MYL11: variants seen among roughly 807,000 people sequenced by gnomAD.
MYL11 encodes the protein myosin light chain 11.
At chr16:30,377,959 T>TC in the MYL11 span, 11 of 1,503,804 alleles carry the variant, frequency 7.3e-6, no homozygotes, top group African/African-American at 1.5e-4. Context: ...CCACCCCGGC[T>TC]CCCAATAAAA....
chr16:30,375,217 G>A, the MYL11 span, among the ~76,000 whole-genome samples: 1 of 152,160 alleles, frequency 6.6e-6, no homozygotes, highest in Non-Finnish European at 1.5e-5. Context: ...TGTAATCCCA[G>A]CACTTTGGGA....
the MYL11 span, chr16:30,375,924 G>A: frequency 1.2e-6 from 2 of 1,613,252 alleles, no homozygotes; most frequent in South Asian, 1.1e-5. Flanking sequence ...TGGGTGAGGG[G>A]ACGGGGAAAC....
At chr16:30,377,747 G>A in the MYL11 span, 181 of 1,594,566 alleles carry the variant, frequency 1.1e-4, 2 homozygotes, top group East Asian at 3.4e-3. Context: ...AGGGGCTGGG[G>A]CCGGGGAGAC....
chr16:30,374,394 G>C, the MYL11 span, among the ~76,000 whole-genome samples: 1 of 151,520 alleles, frequency 6.6e-6, no homozygotes. Flanking sequence ...CAATCCTCCT[G>C]CCTCAGCTTC....
chr16:30,377,954 C>A, the MYL11 span: 1 of 1,510,350 alleles, frequency 6.6e-7, no homozygotes, highest in South Asian at 1.2e-5. Flanking sequence ...GACCTCCACC[C>A]CGGCTCCCAA....
chr16:30,376,090 G>GA, the MYL11 span: 1 of 1,586,466 alleles, frequency 6.3e-7, no homozygotes, highest in Non-Finnish European at 8.6e-7. Context: ...CTGGGGTAGG[G>GA]ATGCTGAGGC....
the MYL11 span, chr16:30,376,604 C>T: frequency 1.2e-6 from 2 of 1,614,106 alleles, no homozygotes; most frequent in East Asian, 2.2e-5. Context: ...CTTCATGTGC[C>T]CTCTGACCCC....
chr16:30,376,045 G>T, the MYL11 span: 1 of 1,506,026 alleles, frequency 6.6e-7, no homozygotes, highest in Non-Finnish European at 9.1e-7. Context: ...TGGGGTGGAA[G>T]AGGACAGTTG....
chr16:30,377,147 A>C, the MYL11 span, among the ~76,000 whole-genome samples: 3 of 151,990 alleles, frequency 2.0e-5, no homozygotes, highest in African/African-American at 4.8e-5. Flanking sequence ...CTGGAGTCGG[A>C]GGTTGCAGTG....
the MYL11 span, among the ~76,000 whole-genome samples, chr16:30,375,154 C>T: frequency 1.3e-5 from 2 of 152,150 alleles, no homozygotes; most frequent in Admixed American, 1.3e-4. Context: ...AACTCCCATC[C>T]CATTTTACAA....
the MYL11 span, chr16:30,376,549 C>T: frequency 6.2e-7 from 1 of 1,613,766 alleles, no homozygotes; most frequent in Non-Finnish European, 8.5e-7. Flanking sequence ...GTCCTGGGTC[C>T]AAGGCCCCGG....
At chr16:30,377,081 C>T in the MYL11 span, among the ~76,000 whole-genome samples, 2 of 152,054 alleles carry the variant, frequency 1.3e-5, no homozygotes, top group African/African-American at 4.8e-5. Flanking sequence ...GGCGTGGTGG[C>T]GGGCGCCTGT....
At chr16:30,376,558 G>A in the MYL11 span, 378 of 1,613,672 alleles carry the variant, frequency 2.3e-4, 1 homozygote, top group South Asian at 1.7e-3. Flanking sequence ...CCAAGGCCCC[G>A]GCTGCCTTTT....
At chr16:30,376,503 A>C in the MYL11 span, 1 of 1,614,066 alleles carries the variant, frequency 6.2e-7, no homozygotes, top group Non-Finnish European at 8.5e-7. Flanking sequence ...CGTCTTCCTG[A>C]CCATGTTCGG....
chr16:30,371,411 C>G, the MYL11 span, among the ~76,000 whole-genome samples: 2 of 152,158 alleles, frequency 1.3e-5, no homozygotes, highest in Non-Finnish European at 2.9e-5. Context: ...TACTCTCATC[C>G]TTTACTCTAT....
At chr16:30,376,812 A>G in the MYL11 span, 1 of 1,048,886 alleles carries the variant, frequency 9.5e-7, no homozygotes, top group African/African-American at 1.6e-5. Flanking sequence ...CAGGCCTATA[A>G]TCCCAGTGCT....
chr16:30,376,126 C>A, the MYL11 span: 187 of 1,611,812 alleles, frequency 1.2e-4, no homozygotes, highest in Non-Finnish European at 8.3e-5. Flanking sequence ...CTAACCCTCC[C>A]CACCACGGCC....
chr16:30,376,556 C>T, the MYL11 span: 9 of 1,613,790 alleles, frequency 5.6e-6, no homozygotes, highest in Non-Finnish European at 7.6e-6. Context: ...GTCCAAGGCC[C>T]CGGCTGCCTT....
At chr16:30,373,777 A>T in the MYL11 span, among the ~76,000 whole-genome samples, 1 of 150,984 alleles carries the variant, frequency 6.6e-6, no homozygotes. Flanking sequence ...AAAAAAAAAA[A>T]GAAAGAAAAG....
Sources: gnomAD v4.1 joint callset for allele counts (sites outside exome capture counted in the v4.1 genomes callset) on GRCh38, gnomAD v4.1.1 for gene constraint, MANE v1.5 for transcripts, NCBI Gene and HGNC (gene_info 2026-07-23, HGNC 2026-07-21) for gene names.